PARD3B: variants seen among roughly 807,000 people sequenced by gnomAD.
PARD3B encodes the protein partitioning defective 3 homolog B.
Under a neutral mutation model 130.2 loss-of-function variants are expected in PARD3B, and 103 were observed. That is an observed-to-expected ratio of 0.79 (90% CI 0.67 to 0.93). The LOEUF is 0.93. PARD3B is among the 40% of genes least tolerant of loss of function. PARD3B has a pLI of 0.00. For missense variants in PARD3B, 1,609 were observed against 1,499.2 expected (o/e 1.07, Z -1.21); for synonymous variants, 583 against 553.2 (o/e 1.05, Z -0.76).
chr2:204,734,568 A>G (rs903724188), intron 2 of PARD3B, among the ~76,000 whole-genome samples: 14 of 152,178 alleles, frequency 9.2e-5, no homozygotes, highest in African/African-American at 2.9e-4. Context: ...ATTCTACTCA[A>G]TACAGTGGAA....
chr2:204,616,987 T>C (rs1161447058), intron 1 of PARD3B, among the ~76,000 whole-genome samples: 1 of 152,234 alleles, frequency 6.6e-6, no homozygotes, highest in African/African-American at 2.4e-5. Flanking sequence ...ATTTGGACTT[T>C]ATATACTTCT....
intron 2 of PARD3B, among the ~76,000 whole-genome samples, chr2:204,954,640 C>G (rs1000521500): frequency 1.3e-5 from 2 of 152,122 alleles, no homozygotes; most frequent in Non-Finnish European, 2.9e-5. Context: ...TGAGGCCACC[C>G]CCAGGACATA....
At chr2:205,147,868 A>G (rs1286742148) in intron 10 of PARD3B, among the ~76,000 whole-genome samples, 2 of 152,038 alleles carry the variant, frequency 1.3e-5, no homozygotes, top group Non-Finnish European at 2.9e-5. Context: ...GTTAACTTAC[A>G]TTTTTCCTTT....
At chr2:204,591,631 G>A (rs539018314) in intron 1 of PARD3B, among the ~76,000 whole-genome samples, 1 of 152,304 alleles carries the variant, frequency 6.6e-6, no homozygotes, top group South Asian at 2.1e-4. Context: ...AATGTCCTTT[G>A]GGGCCAGGGG....
rs2041990761 is a variant in PARD3B at position 205,301,381 on chromosome 2, T to C, written c.2393-83T>C. On this transcript the variant is annotated intron_variant, in intron 17 of 22. Transcript: ENST00000406610. This position sits in a 1 kb window ranked among gnomAD's most constrained non-coding sequence, Gnocchi z 5.2. Reference sequence around the variant, plus strand: ...TACAGAGTGCTGTTATTCATTCTTTTGCATTTTACATGTTAGCGTTTCTCT... The same window carrying C: ...TACAGAGTGCTGTTATTCATTCTTTCGCATTTTACATGTTAGCGTTTCTCT... 6.5e-7 allele frequency: 1 copy of C among 1,532,736 alleles called. No homozygotes were observed. The highest frequency in any genetic ancestry group is 1.4e-5 in the African/African-American group (1 of 72,006). The allele number at this position is 1,532,736 out of a possible 1,614,324, so 94.9% of individuals were successfully genotyped here.
chr2:204,651,927 G>T (rs140216501), intron 1 of PARD3B, among the ~76,000 whole-genome samples: 1 of 152,074 alleles, frequency 6.6e-6, no homozygotes, highest in Non-Finnish European at 1.5e-5. Context: ...CCTTGGCCTC[G>T]CAGCCATGGC....
intron 2 of PARD3B, among the ~76,000 whole-genome samples, chr2:204,751,223 A>G (rs1472793873): frequency 6.6e-6 from 1 of 152,222 alleles, no homozygotes; most frequent in African/African-American, 2.4e-5. Context: ...GAAGTTTGAG[A>G]TGATTGGAAA....
At chr2:205,315,649 GTT>G (rs1427271845) in intron 18 of PARD3B, among the ~76,000 whole-genome samples, 1 of 151,452 alleles carries the variant, frequency 6.6e-6, no homozygotes. Flanking sequence ...GTCCCAGTTT[GTT>G]TGTTTGTTTG....
In PARD3B at chr2:205,440,382, A is replaced by C; in HGVS notation, c.2754A>C (p.Lys918Asn). The C allele has an allele frequency of 1.2e-6, 2 of 1,613,822 alleles. No homozygotes were observed. The highest frequency in any genetic ancestry group is 1.7e-6 in the Non-Finnish European group (2 of 1,179,772). Residue 918 changes from lysine (K) to asparagine (N), a missense_variant, in exon 20 of 23, where the codon AAA becomes AAC. Lys to Asn is a moderately conservative substitution (Grantham distance 94). Coordinates refer to ENST00000406610, the MANE Select transcript of PARD3B (RefSeq NM_001302769.2). This position sits in a 1 kb window ranked among gnomAD's most constrained non-coding sequence, Gnocchi z 4.2. ...MKEERERIGAKHQELREKQAR... is the reference protein window; with the variant it reads ...MKEERERIGANHQELREKQAR... ...CTGTATTTTTCAGGATTGGAGCAAAACATCAGGAGCTAAGGGAAAAGCAGG... is the reference window on the plus strand; with the variant it reads ...CTGTATTTTTCAGGATTGGAGCAAACCATCAGGAGCTAAGGGAAAAGCAGG...
chr2:205,277,623 C>T (rs534820631), intron 16 of PARD3B, among the ~76,000 whole-genome samples: 165 of 152,072 alleles, frequency 1.1e-3, no homozygotes, highest in African/African-American at 3.5e-3. Context: ...GAAAGAGAGA[C>T]GGCAGATGCA....
intron 21 of PARD3B, among the ~76,000 whole-genome samples, chr2:205,538,068 C>T (rs183074016): frequency 1.1e-4 from 17 of 152,100 alleles, no homozygotes; most frequent in Non-Finnish European, 2.1e-4. Context: ...ATTTATTGAG[C>T]ATGTGTTAGA....
At chr2:205,117,949 A>ACACACACACATACACACACACG (rs11270884) in intron 6 of PARD3B, among the ~76,000 whole-genome samples, 2 of 152,258 alleles carry the variant, frequency 1.3e-5, no homozygotes, top group African/African-American at 4.8e-5. Flanking sequence ...ACACACACAC[A>ACACACACACATACACACACACG]TATTTTAATT....
chr2:204,928,791 T>A lies in PARD3B; in HGVS notation c.223-36361T>A, dbSNP rs557483257. Among the ~76,000 whole-genome samples the A allele has an allele frequency of 2.6e-5, 4 of 152,192 alleles. No individual in the cohort carries two copies. In the South Asian group the frequency reaches 8.3e-4, roughly 32 times the overall value. ...TCTTTCTGAGAACATGCCTTTAACTTTTGAATCTCTCTCCTGCCTTAATAA... is the reference window on the plus strand; with the variant it reads ...TCTTTCTGAGAACATGCCTTTAACTATTGAATCTCTCTCCTGCCTTAATAA... On this transcript the variant is annotated intron_variant, in intron 2 of 22. Coordinates refer to ENST00000406610, the MANE Select transcript of PARD3B (RefSeq NM_001302769.2).
intron 11 of PARD3B, among the ~76,000 whole-genome samples, chr2:205,171,307 C>A (rs997345078): frequency 6.6e-6 from 1 of 152,174 alleles, no homozygotes; most frequent in Non-Finnish European, 1.5e-5. Flanking sequence ...TGCTCCTGGG[C>A]TGCCTTTGGG....
chr2:204,706,168 C>A (rs1177125857), intron 2 of PARD3B, among the ~76,000 whole-genome samples: 1 of 151,848 alleles, frequency 6.6e-6, no homozygotes, highest in East Asian at 1.9e-4. Flanking sequence ...GAGATCGAGA[C>A]CATGCTGGCT....
rs141300554 is a variant in PARD3B, at chr2:205,421,725, A to G, written c.2742-18645A>G. On this transcript the variant is annotated intron_variant, in intron 19 of 22. Coordinates refer to ENST00000406610, the MANE Select transcript of PARD3B (RefSeq NM_001302769.2). This position sits in a 1 kb window ranked among gnomAD's most constrained non-coding sequence, Gnocchi z 5.1. ...TTATTCTCTTAACGTTTTGGAGGCC[A>G]TAATTCTGAAGTTAGTTTCACTGAG... Among the ~76,000 whole-genome samples, 376 of 152,330 alleles carry G rather than the reference A, an allele frequency of 2.5e-3. 7 individuals are homozygous for G. The highest frequency in any genetic ancestry group is 8.6e-3 in the African/African-American group (359 of 41,584).
At chr2:205,466,518 G>C (rs1252601862) in intron 20 of PARD3B, among the ~76,000 whole-genome samples, 1 of 152,158 alleles carries the variant, frequency 6.6e-6, no homozygotes, top group Non-Finnish European at 1.5e-5. Flanking sequence ...GCATGAATTT[G>C]AATTTCTTTC....
intron 1 of PARD3B, among the ~76,000 whole-genome samples, chr2:204,634,198 A>G (rs2034791483): frequency 6.6e-6 from 1 of 152,004 alleles, no homozygotes; most frequent in African/African-American, 2.4e-5. Context: ...CCTGAGTTCA[A>G]TTGTTTTGAT....
chr2:205,053,862 G>T (rs6435269), intron 4 of PARD3B, among the ~76,000 whole-genome samples: 93,488 of 151,748 alleles, frequency 0.62, 29,517 homozygotes, highest in Middle Eastern at 0.72. Context: ...ATATACTACT[G>T]CATTATTTAG....
Sources: gnomAD v4.1 joint callset for allele counts (sites outside exome capture counted in the v4.1 genomes callset) on GRCh38, gnomAD v4.1.1 for gene constraint, Gnocchi (gnomAD v3.1) non-coding constraint, MANE v1.5 for transcripts, NCBI Gene and HGNC (gene_info 2026-07-23, HGNC 2026-07-21) for gene names.